SH3RF1: variants seen among roughly 807,000 people sequenced by gnomAD.
SH3RF1 encodes the protein E3 ubiquitin-protein ligase SH3RF1.
A neutral mutation model predicts 74.0 loss-of-function variants in SH3RF1; 32 were observed. That is an observed-to-expected ratio of 0.43 (90% CI 0.33 to 0.58). SH3RF1 has a LOEUF of 0.58. Ranked by LOEUF, SH3RF1 falls within the 20% of genes least tolerant of loss-of-function variation. The pLI, the probability that SH3RF1 is intolerant of heterozygous loss-of-function variation, is 0.05. For synonymous variants in SH3RF1, 396 were observed against 439.6 expected (o/e 0.90, Z 1.24); for missense variants, 954 against 1,130.9 (o/e 0.84, Z 2.24).
intron 10 of SH3RF1, among the ~76,000 whole-genome samples, chr4:169,115,869 C>T (rs1733323781): frequency 6.6e-6 from 1 of 152,138 alleles, no homozygotes; most frequent in Admixed American, 6.5e-5. Context: ...GAACTCTTAT[C>T]AAGCAAGACT....
At chr4:169,213,498 T>C (rs551312143) in intron 2 of SH3RF1, among the ~76,000 whole-genome samples, 11 of 152,362 alleles carry the variant, frequency 7.2e-5, no homozygotes, top group African/African-American at 2.6e-4. Flanking sequence ...CTCTTGACAG[T>C]GTCTTTTGCA....
intron 2 of SH3RF1, among the ~76,000 whole-genome samples, chr4:169,197,202 A>C (rs1042616536): frequency 2.0e-4 from 30 of 152,024 alleles, no homozygotes; most frequent in African/African-American, 6.8e-4. Context: ...GGGTTTCACC[A>C]TGTTGGCTAG....
chr4:169,136,658 A>T, intron 4 of SH3RF1, 38 bp from the exon 5 acceptor site: 1 of 1,464,042 alleles, frequency 6.8e-7, no homozygotes, highest in Non-Finnish European at 9.0e-7. Flanking sequence ...AAGAAGGTTA[A>T]ACAATTCCTA....
rs200886298 is a variant in SH3RF1 at position 169,133,462 on chromosome 4, C to CA, written c.1068+2855dup. ...TGCACTCCAGCCTGGGAGACAACAG[C>CA]AAAACTCCATCTCAAAAAAAGAAAA... On this transcript the variant is annotated intron_variant, in intron 5 of 11. Transcript: ENST00000284637. Among the ~76,000 whole-genome samples the CA allele has an allele frequency of 7.3e-3, 1,083 of 148,156 alleles. 13 individuals carry two copies. Among genetic ancestry groups the CA allele is most frequent in the African/African-American group, 0.026 (1,037 of 39,952 alleles).
At chr4:169,170,349 G>A (rs995945257) in intron 2 of SH3RF1, among the ~76,000 whole-genome samples, 3 of 152,130 alleles carry the variant, frequency 2.0e-5, no homozygotes, top group Non-Finnish European at 4.4e-5. Flanking sequence ...GACTACTTTT[G>A]TTAAGCATTT....
chr4:169,235,698 C>CT (rs926915483), intron 2 of SH3RF1, among the ~76,000 whole-genome samples: 66 of 149,368 alleles, frequency 4.4e-4, no homozygotes, highest in African/African-American at 9.1e-4. Flanking sequence ...TCCTTCTTTT[C>CT]TTTTTTTTTT....
intron 2 of SH3RF1, among the ~76,000 whole-genome samples, chr4:169,242,170 C>T (rs1288464182): frequency 6.6e-6 from 1 of 150,942 alleles, no homozygotes; most frequent in African/African-American, 2.4e-5. Flanking sequence ...CTAAATGATT[C>T]TTTCATTCTT....
chr4:169,138,944 T>C (rs1733739934), intron 4 of SH3RF1, among the ~76,000 whole-genome samples: 1 of 152,132 alleles, frequency 6.6e-6, no homozygotes, highest in Admixed American at 6.6e-5. Flanking sequence ...AAATACACAT[T>C]GAGCATCTAT....
At chr4:169,169,109 CTG>C (rs1472291324) in intron 2 of SH3RF1, among the ~76,000 whole-genome samples, 1 of 152,106 alleles carries the variant, frequency 6.6e-6, no homozygotes, top group Non-Finnish European at 1.5e-5. Flanking sequence ...GTGCATATTA[CTG>C]TTACTGTTCT....
intron 2 of SH3RF1, among the ~76,000 whole-genome samples, chr4:169,210,192 G>C (rs1460570781): frequency 1.3e-5 from 2 of 152,000 alleles, no homozygotes; most frequent in Middle Eastern, 3.2e-3. Flanking sequence ...ACTCCATCTG[G>C]AGTCTTTCTG....
At chr4:169,138,948 C>A (rs1187148805) in intron 4 of SH3RF1, among the ~76,000 whole-genome samples, 1 of 152,054 alleles carries the variant, frequency 6.6e-6, no homozygotes, top group Non-Finnish European at 1.5e-5. Flanking sequence ...ACACATTGAG[C>A]ATCTATTTTT....
chr4:169,152,053 GT>G (rs926636866), intron 4 of SH3RF1, among the ~76,000 whole-genome samples: 1 of 152,146 alleles, frequency 6.6e-6, no homozygotes, highest in African/African-American at 2.4e-5. Context: ...TTAAAAATCT[GT>G]TTTTTTAAAA....
chr4:169,167,063 A>G, intron 2 of SH3RF1: 1 of 202,064 alleles, frequency 4.9e-6, no homozygotes, highest in South Asian at 9.7e-5. Context: ...AGGGCTACCT[A>G]TAATCTGTGT....
chr4:169,253,282 G>C (rs1579164479), intron 2 of SH3RF1, among the ~76,000 whole-genome samples: 2 of 152,200 alleles, frequency 1.3e-5, no homozygotes, highest in Admixed American at 1.3e-4. Flanking sequence ...GGAAATGTTA[G>C]GTAGACCTAG....
chr4:169,145,672 ACTCCTGAC>A lies in SH3RF1; in HGVS notation c.766-9060_766-9053del, dbSNP rs1274984085. Among the ~76,000 whole-genome samples, 8 of 138,802 alleles carry A rather than the reference ACTCCTGAC, an allele frequency of 5.8e-5. No individual in the cohort carries two copies. The East Asian group carries it at 1.6e-3, about 28-fold the overall frequency. 91.1% of individuals were successfully genotyped at this position (138,802 alleles called of 152,430 possible). On this transcript the variant is annotated intron_variant, in intron 4 of 11. Coordinates refer to ENST00000284637, the MANE Select transcript of SH3RF1 (RefSeq NM_020870.4). ...ATAATGTTGGTCAGGCTGGTCTCGA[ACTCCTGAC>A]CTCGTGATCCACCTGCCTCAGCCTC...
intron 2 of SH3RF1, among the ~76,000 whole-genome samples, chr4:169,239,204 A>C (rs1243980349): frequency 6.6e-6 from 1 of 152,226 alleles, no homozygotes; most frequent in Non-Finnish European, 1.5e-5. Flanking sequence ...ATTTCTGCCA[A>C]GATTGTGCCG....
intron 2 of SH3RF1, among the ~76,000 whole-genome samples, chr4:169,179,427 A>G (rs1289543480): frequency 6.6e-6 from 1 of 152,204 alleles, no homozygotes; most frequent in Non-Finnish European, 1.5e-5. Flanking sequence ...TGTAGTTTTA[A>G]GCCATTGAAT....
intron 2 of SH3RF1, among the ~76,000 whole-genome samples, chr4:169,160,539 G>A (rs937242683): frequency 8.5e-5 from 13 of 152,178 alleles, no homozygotes; most frequent in Non-Finnish European, 1.9e-4. Flanking sequence ...TGCTAAAATT[G>A]TTTCAATGAT....
intron 2 of SH3RF1, among the ~76,000 whole-genome samples, chr4:169,203,731 A>G (rs971118324): frequency 5.3e-5 from 8 of 152,232 alleles, no homozygotes; most frequent in African/African-American, 1.4e-4. Context: ...CACAAAAATA[A>G]CTGTGAAACG....
Sources: allele counts gnomAD v4.1 joint callset (sites outside exome capture counted in the v4.1 genomes callset), GRCh38; gene constraint gnomAD v4.1.1; transcripts MANE v1.5; gene names NCBI Gene and HGNC (gene_info 2026-07-23, HGNC 2026-07-21).